Variants in NFIL3 observed in about 807,000 individuals in gnomAD.
The protein encoded by NFIL3 is nuclear factor, interleukin 3 regulated, also known as nuclear factor interleukin-3-regulated protein.
In NFIL3, 5 loss-of-function variants were observed where a neutral mutation model predicts 10.0. That is an observed-to-expected ratio of 0.50 (90% confidence interval 0.26 to 1.06). The LOEUF is 1.06. Ranked by LOEUF, NFIL3 falls within the 50% of genes least tolerant of loss-of-function variation. The pLI is 0.13. For missense variants in NFIL3, 436 were observed against 547.6 expected, an observed-to-expected ratio of 0.80 and a Z score of 2.03; for synonymous variants, 202 against 206.5, an observed-to-expected ratio of 0.98 and a Z score of 0.19.
At chr9:91,461,160 C>T in the NFIL3 span, among the ~76,000 whole-genome samples, 1 of 152,116 alleles carries the variant, frequency 6.6e-6, no homozygotes, top group Non-Finnish European at 1.5e-5. Context: ...GTTAAGCTAC[C>T]TTGTTTGTAG....
At chr9:91,457,658 A>C in the NFIL3 span, among the ~76,000 whole-genome samples, 1 of 151,930 alleles carries the variant, frequency 6.6e-6, no homozygotes, top group Non-Finnish European at 1.5e-5. Context: ...CTTCCTTTCC[A>C]ATTTGAATGT....
chr9:91,464,687 C>G, the NFIL3 span, among the ~76,000 whole-genome samples: 1 of 152,104 alleles, frequency 6.6e-6, no homozygotes, highest in African/African-American at 2.4e-5. Flanking sequence ...AAATTTTTGG[C>G]AGGGCCAATT....
At chr9:91,430,658 A>G in the NFIL3 span, among the ~76,000 whole-genome samples, 3,192 of 151,750 alleles carry the variant, frequency 0.021, 120 homozygotes, top group African/African-American at 0.073. Context: ...ATTAAAAAAA[A>G]TGTTTGGTAC....
At chr9:91,469,879 G>A in the NFIL3 span, among the ~76,000 whole-genome samples, 1 of 152,078 alleles carries the variant, frequency 6.6e-6, no homozygotes, top group Non-Finnish European at 1.5e-5. Context: ...CAGGGATGAA[G>A]CCCACTTGAT....
At chr9:91,436,003 A>C in the NFIL3 span, among the ~76,000 whole-genome samples, 2 of 152,178 alleles carry the variant, frequency 1.3e-5, no homozygotes, top group Non-Finnish European at 2.9e-5. Flanking sequence ...AAACAAAAAA[A>C]CCCAAAAAAC....
the NFIL3 span, among the ~76,000 whole-genome samples, chr9:91,475,757 G>A: frequency 3.9e-5 from 6 of 152,186 alleles, no homozygotes; most frequent in Non-Finnish European, 7.4e-5. Context: ...CTCAAGATAC[G>A]AGGAAGTTTT....
At position 91,409,089 on chromosome 9, in the gene NFIL3, C is replaced by A; in HGVS notation, c.*257G>T. ...CCTTTATTGAAACTGGTAACTTACA[C>A]ACTTTATAATAGAACAACAAAAATA... On this transcript the variant is annotated 3_prime_UTR_variant, in exon 2 of 2. Transcript: ENST00000297689. 2.9e-6 allele frequency: 1 copy of A among 345,080 alleles called. No homozygotes were observed. The highest frequency in any genetic ancestry group is 5.2e-6 in the Non-Finnish European group (1 of 192,024). 21.4% of individuals were successfully genotyped at this position (345,080 alleles called of 1,614,324 possible). A position where few individuals can be genotyped will look rare whatever the true frequency, so the allele number is the denominator to read the frequency against.
In NFIL3 at chr9:91,422,467, GAA is replaced by G. The variant is rs5899128; in HGVS notation, c.-173+1171_-173+1172del. The stretch of plus-strand genomic sequence containing the variant: ...CTTTCCTGTTTAAAATATCCTTAAG[GAA>G]AAAAAAAAAACTGTTATAGTGACAT... On this transcript the variant is annotated intron_variant, in intron 1 of 1. Transcript: ENST00000297689. Among the ~76,000 whole-genome samples, 153 of 149,684 alleles carry G rather than the reference GAA, an allele frequency of 1.0e-3. 1 individual carries two copies. Among genetic ancestry groups the G allele is most frequent in the Middle Eastern group, 3.4e-3 (1 of 292 alleles).
the NFIL3 span, among the ~76,000 whole-genome samples, chr9:91,481,440 T>G: frequency 1.3e-5 from 2 of 152,208 alleles, no homozygotes; most frequent in Non-Finnish European, 2.9e-5. Context: ...TCATTTCATG[T>G]AAATAGTTAT....
At chr9:91,460,268 G>GTTTTTTTTTTTTTTTTTTTT in the NFIL3 span, among the ~76,000 whole-genome samples, 11 of 77,084 alleles carry the variant, frequency 1.4e-4, no homozygotes, top group African/African-American at 1.3e-3. Context: ...GGAGGGCTTG[G>GTTTTTTTTTTTTTTTTTTTT]TTCTTTTTTT....
At chr9:91,424,329 C>A (rs1301556578), upstream of NFIL3, among the ~76,000 whole-genome samples, 2 of 152,206 alleles carry the variant, frequency 1.3e-5, no homozygotes, top group African/African-American at 4.8e-5. Context: ...GCCGACTGAG[C>A]ACTGCGGGTT....
the NFIL3 span, among the ~76,000 whole-genome samples, chr9:91,483,250 C>T: frequency 6.6e-6 from 1 of 152,160 alleles, no homozygotes. Context: ...TCCTGGCCAG[C>T]CTGTGACAGC....
intron 1 of NFIL3, among the ~76,000 whole-genome samples, chr9:91,421,150 C>T (rs1798585445): frequency 6.6e-6 from 1 of 151,840 alleles, no homozygotes. Context: ...GGAGTCAGGC[C>T]CCTGGATTTG....
At chr9:91,479,749 A>G in the NFIL3 span, among the ~76,000 whole-genome samples, 1 of 152,206 alleles carries the variant, frequency 6.6e-6, no homozygotes, top group African/African-American at 2.4e-5. Flanking sequence ...ATGGCCACCC[A>G]GTTTTGTGCT....
chr9:91,459,885 G>A, the NFIL3 span, among the ~76,000 whole-genome samples: 3 of 152,100 alleles, frequency 2.0e-5, no homozygotes, highest in Admixed American at 6.5e-5. Context: ...GGGGTAATGA[G>A]ACATACCGTA....
chr9:91,482,651 A>G, the NFIL3 span, among the ~76,000 whole-genome samples: 6 of 151,728 alleles, frequency 4.0e-5, no homozygotes, highest in Non-Finnish European at 1.5e-5. Context: ...AGGCGCCCCC[A>G]CCAACACGCC....
In NFIL3 at chr9:91,409,574, G is replaced by A; in HGVS notation, c.1161C>T (p.Asn387=). ...CCGATTTGAGAGACCAATCTTGAAT[G>A]TTAGTCACTTGCACTGAGAAAGGAG... ...SLTPFSVQVT[N]IQDWSLKSEH... is the part of the protein sequence containing the mutation. The change falls in exon 2 of 2, where the codon AAC becomes AAT. Residue 387 remains asparagine, a synonymous_variant. Transcript: ENST00000297689. The A allele has an allele frequency of 1.2e-6, 2 of 1,614,186 alleles. No individual in the cohort carries two copies. Among genetic ancestry groups the A allele is most frequent in the Non-Finnish European group, 1.7e-6 (2 of 1,179,994 alleles).
the NFIL3 span, among the ~76,000 whole-genome samples, chr9:91,478,823 T>C: frequency 1.3e-5 from 2 of 152,078 alleles, no homozygotes; most frequent in Non-Finnish European, 2.9e-5. Context: ...TCGGATGGGG[T>C]TTCTGTTTGG....
the NFIL3 span, among the ~76,000 whole-genome samples, chr9:91,472,451 A>T: frequency 6.6e-6 from 1 of 152,142 alleles, no homozygotes; most frequent in Non-Finnish European, 1.5e-5. Context: ...CATTTCATTC[A>T]TTTGATCTGC....
Sources: gnomAD v4.1 joint callset for allele counts (sites outside exome capture counted in the v4.1 genomes callset) on GRCh38, gnomAD v4.1.1 for gene constraint, MANE v1.5 for transcripts, NCBI Gene and HGNC (gene_info 2026-07-23, HGNC 2026-07-21) for gene names.